The following RGPD4 variants were observed in gnomAD, a reference collection of about 807,000 sequenced individuals.
RGPD4 encodes ranBP2-like and GRIP domain-containing protein 4.
A neutral mutation model predicts 141.1 loss-of-function variants in RGPD4; 84 were observed. That is an observed-to-expected ratio of 0.60 (90% CI 0.50 to 0.71). RGPD4 has a LOEUF of 0.71. RGPD4 is among the 30% of genes least tolerant of loss of function. RGPD4 has a pLI of 0.00. For synonymous variants in RGPD4, 298 were observed against 566.8 expected (o/e 0.53, Z 6.74); for missense variants, 918 against 1,622.4 (o/e 0.57, Z 7.46).
chr2:107,847,730 C>T (rs1273946384), intron 6 of RGPD4, among the ~76,000 whole-genome samples: 4 of 76,912 alleles, frequency 5.2e-5, no homozygotes, highest in Admixed American at 1.2e-4. Flanking sequence ...GAGGCTGAGT[C>T]GGGAGAATCA....
At chr2:107,874,208 G>A (rs1316666209) in intron 20 of RGPD4, among the ~76,000 whole-genome samples, 4 of 151,574 alleles carry the variant, frequency 2.6e-5, no homozygotes, top group African/African-American at 9.8e-5. Flanking sequence ...TAGTGGCAAC[G>A]GCATGTATAC....
At position 107,827,036 on chromosome 2, in the gene RGPD4, G is replaced by A; in HGVS notation, c.23G>A (p.Gly8Glu). The change falls in exon 1 of 23, where the codon GGG becomes GAG. Residue 8 changes from glycine (G) to glutamate (E), a missense_variant. Coordinates refer to ENST00000408999, the MANE Select transcript of RGPD4 (RefSeq NM_182588.3). Reference protein sequence around the residue: MSCSKAYGERYVASVQGS... With the variant: MSCSKAYEERYVASVQGS... ...GCGATGAGTTGCAGCAAGGCCTACG[G>A]GGAGCGGTACGTCGCCTCCGTGCAG... The A allele has an allele frequency of 6.3e-7, 1 of 1,599,986 alleles. No individual in the cohort carries two copies. Among genetic ancestry groups the A allele is most frequent in the Non-Finnish European group, 8.5e-7 (1 of 1,174,772 alleles).
At chr2:107,844,114 G>A (rs978554021) in intron 6 of RGPD4, among the ~76,000 whole-genome samples, 1 of 150,190 alleles carries the variant, frequency 6.7e-6, no homozygotes, top group Admixed American at 6.7e-5. Context: ...AGGTTCACAT[G>A]TACTAGTATA....
chr2:107,853,752 T>C (rs1682196418), intron 7 of RGPD4, among the ~76,000 whole-genome samples: 1 of 84,826 alleles, frequency 1.2e-5, no homozygotes, highest in Non-Finnish European at 2.4e-5. Flanking sequence ...CTTTTTTTTT[T>C]TTTTCTTTTG....
chr2:107,844,341 G>C (rs1282572846), intron 6 of RGPD4, among the ~76,000 whole-genome samples: 1 of 151,856 alleles, frequency 6.6e-6, no homozygotes, highest in African/African-American at 2.4e-5. Flanking sequence ...GCCAAATATG[G>C]CCCCTGCCTA....
At chr2:107,885,446 T>C (rs1394668376) in intron 22 of RGPD4, among the ~76,000 whole-genome samples, 10 of 152,304 alleles carry the variant, frequency 6.6e-5, no homozygotes, top group South Asian at 2.1e-4. Context: ...ATGTTGCTAA[T>C]GTCCAGGTGG....
Position 107,871,052 on chromosome 2 carries a change from C to T in RGPD4, c.3048C>T (p.Asn1016=). 1.2e-6 allele frequency: 2 copies of T among 1,611,118 alleles called. No homozygotes were observed. Among genetic ancestry groups the T allele is most frequent in the South Asian group, 1.1e-5 (1 of 90,950 alleles). Residue 1016 remains asparagine (N), a synonymous_variant, in exon 20 of 23, where the codon AAC becomes AAT. Transcript: ENST00000408999. ...GCGGTAAAATGGCCAATAAAGCAAA[C>T]ACTTCCGGTGACTTTGAGAAAGATG... ...SQCGKMANKA[N]TSGDFEKDDD...
At position 107,872,942 on chromosome 2, in the gene RGPD4, TGTTAAA is replaced by T. The variant is rs761191089; in HGVS notation, c.4924+20_4924+25del. On this transcript the variant is annotated intron_variant, in intron 20 of 22. Coordinates refer to ENST00000408999, the MANE Select transcript of RGPD4 (RefSeq NM_182588.3). ...CACCAGAAAAGGGTAGGTACTTTGT[TGTTAAA>T]GTTAAGCACAATTTTTCTTTCTTTT... 4 of 1,500,510 alleles carry T rather than the reference TGTTAAA, an allele frequency of 2.7e-6. No homozygotes were observed. In the South Asian group the frequency reaches 4.8e-5, roughly 18 times the overall value. 92.9% of individuals were successfully genotyped at this position (1,500,510 alleles called of 1,614,324 possible). A position where few individuals can be genotyped will look rare whatever the true frequency, so the allele number is the denominator to read the frequency against.
At chr2:107,828,714 C>T in intron 1 of RGPD4, among the ~76,000 whole-genome samples, 1 of 32,942 alleles carries the variant, frequency 3.0e-5, no homozygotes, top group East Asian at 4.8e-4. Flanking sequence ...CTCGACCTGG[C>T]CGGGCGGCGG....
In RGPD4 at chr2:107,890,790, A is replaced by G. The variant is rs1432449543; in HGVS notation, c.*59A>G. The G allele has an allele frequency of 1.1e-5, 18 of 1,594,664 alleles. No individual in the cohort carries two copies. In the Middle Eastern group the frequency reaches 6.7e-4, roughly 60 times the overall value. ...CTTCGTAGTTGGTTTGGACTTCGAT[A>G]GGTTGATGGAAGGAATATTTTTATT... On this transcript the variant is annotated 3_prime_UTR_variant, in exon 23 of 23. Transcript: ENST00000408999.
rs200078961 is a variant in RGPD4, at chr2:107,884,304, G to A, written c.5266+1431G>A. Among the ~76,000 whole-genome samples, 32 of 151,968 alleles carry A rather than the reference G, an allele frequency of 2.1e-4. No homozygotes were observed. In the East Asian group the frequency reaches 2.9e-3, roughly 14 times the overall value. ...TTTAGTAGAGACGAGGTTTCACCAT[G>A]TTGGCCAGGATGGTCTCAATCTCCT... On this transcript the variant is annotated intron_variant, in intron 22 of 22. Transcript: ENST00000408999.
intron 1 of RGPD4, among the ~76,000 whole-genome samples, chr2:107,827,342 T>G (rs1253909703): frequency 2.6e-4 from 31 of 117,994 alleles, no homozygotes; most frequent in Admixed American, 5.6e-4. Flanking sequence ...GGCGGCGGCC[T>G]CGATGGCTCA....
At chr2:107,857,493 C>T (rs997233340) in intron 9 of RGPD4, among the ~76,000 whole-genome samples, 12 of 150,180 alleles carry the variant, frequency 8.0e-5, no homozygotes, top group Admixed American at 4.0e-4. Context: ...AGTGTAGTGG[C>T]GTGATCGTAG....
chr2:107,891,245 G>A lies in RGPD4; in HGVS notation c.*514G>A, dbSNP rs779960066. ...GGCTGAGGCTGGAGAATCGTTTGAG[G>A]CTAGTGAGCTGTGATTGTACCACTG... On this transcript the variant is annotated 3_prime_UTR_variant, in exon 23 of 23. Coordinates refer to ENST00000408999, the MANE Select transcript of RGPD4 (RefSeq NM_182588.3). 1.0e-4 allele frequency among the ~76,000 whole-genome samples: 14 copies of A among 137,144 alleles called. No homozygotes were observed. Among genetic ancestry groups the A allele is most frequent in the Admixed American group, 1.4e-4 (2 of 14,020 alleles). The allele number at this position is 137,144 out of a possible 152,430, so 90.0% of individuals were successfully genotyped here.
At chr2:107,857,265 G>A (rs533093892) in intron 9 of RGPD4, among the ~76,000 whole-genome samples, 1 of 151,726 alleles carries the variant, frequency 6.6e-6, no homozygotes, top group East Asian at 1.9e-4. Context: ...AGTCTCCCAA[G>A]TAGCGGGATT....
chr2:107,877,982 T>C (rs1272179628), intron 20 of RGPD4, among the ~76,000 whole-genome samples: 1 of 151,310 alleles, frequency 6.6e-6, no homozygotes, highest in African/African-American at 2.4e-5. Flanking sequence ...CTGGCTAATT[T>C]TTGCATTTTT....
intron 22 of RGPD4, among the ~76,000 whole-genome samples, chr2:107,883,778 AT>A (rs771095535): frequency 1.1e-4 from 16 of 152,088 alleles, no homozygotes; most frequent in Non-Finnish European, 2.4e-4. Context: ...CTTAAGAATT[AT>A]GGTTTCATTT....
At position 107,883,491 on chromosome 2, in the gene RGPD4, G is replaced by A. The variant is rs1022042053; in HGVS notation, c.5266+618G>A. 2.4e-4 allele frequency among the ~76,000 whole-genome samples: 36 copies of A among 151,026 alleles called. No individual in the cohort carries two copies. The East Asian group carries it at 3.3e-3, about 14-fold the overall frequency. ...CTAAAAATACAAAAATTAGCTGGAC[G>A]TGGTGGCATGCGCCTGTAGTCCCAG... is the stretch of plus-strand genomic sequence containing the variant. On this transcript the variant is annotated intron_variant, in intron 22 of 22. Transcript: ENST00000408999.
At chr2:107,847,841 A>AG (rs1682007061) in intron 6 of RGPD4, among the ~76,000 whole-genome samples, 1 of 129,032 alleles carries the variant, frequency 7.8e-6, no homozygotes. Flanking sequence ...AAAAAAAAAA[A>AG]AAAAGACAAT....
Sources: allele counts gnomAD v4.1 joint callset (sites outside exome capture counted in the v4.1 genomes callset), GRCh38; gene constraint gnomAD v4.1.1; transcripts MANE v1.5; gene names NCBI Gene and HGNC (gene_info 2026-07-23, HGNC 2026-07-21).